Variants in RBFOX1 observed in about 807,000 individuals in gnomAD.
RBFOX1 encodes the protein RNA binding protein fox-1 homolog 1.
RBFOX1 carries 8 observed loss-of-function variants against 57.7 expected under a neutral mutation model. The observed-to-expected ratio is 0.14, with a 90% CI of 0.08 to 0.25. The LOEUF (loss-of-function observed/expected upper bound fraction) is 0.25. Ranked by LOEUF, RBFOX1 falls within the 10% of genes least tolerant of loss-of-function variation. The probability of loss-of-function intolerance (pLI) is 1.00; values close to 1 mark genes in which losing one functional copy is unlikely to be tolerated. For missense variants in RBFOX1, 611 were observed against 548.5 expected (o/e 1.11, Z -1.14); for synonymous variants, 326 against 222.4 (o/e 1.47, Z -4.15).
intron 4 of RBFOX1, among the ~76,000 whole-genome samples, chr16:7,107,113 C>A (rs2063755905): frequency 6.6e-6 from 1 of 151,970 alleles, no homozygotes; most frequent in Non-Finnish European, 1.5e-5. Context: ...TTGGGAGGAC[C>A]AACTATGCAA....
chr16:7,266,454 G>A (rs2095146773), intron 4 of RBFOX1, among the ~76,000 whole-genome samples: 1 of 152,204 alleles, frequency 6.6e-6, no homozygotes. Flanking sequence ...AAAGCCAGTG[G>A]AACTGTGAGT....
intron 3 of RBFOX1, among the ~76,000 whole-genome samples, chr16:5,652,481 A>G (rs2049272904): frequency 6.6e-6 from 1 of 152,140 alleles, no homozygotes; most frequent in Non-Finnish European, 1.5e-5. Flanking sequence ...AACATAAATT[A>G]TTATCTTTAA....
chr16:6,938,896 C>T (rs757196384), intron 3 of RBFOX1, among the ~76,000 whole-genome samples: 14 of 152,142 alleles, frequency 9.2e-5, no homozygotes, highest in Non-Finnish European at 1.6e-4. Flanking sequence ...TGCACCACTG[C>T]ACTCCAGCCT....
chr16:6,932,102 T>G (rs2076657090), intron 3 of RBFOX1, among the ~76,000 whole-genome samples: 1 of 152,146 alleles, frequency 6.6e-6, no homozygotes, highest in African/African-American at 2.4e-5. Flanking sequence ...TTGTTGTTTT[T>G]TGTTGCTGTT....
chr16:6,400,426 G>A (rs1377554758), intron 2 of RBFOX1, among the ~76,000 whole-genome samples: 2 of 152,116 alleles, frequency 1.3e-5, no homozygotes, highest in Admixed American at 1.3e-4. Context: ...AAGGCTTATG[G>A]GATCCGGCTA....
chr16:5,835,906 T>A (rs2056441864), intron 3 of RBFOX1, among the ~76,000 whole-genome samples: 1 of 152,078 alleles, frequency 6.6e-6, no homozygotes, highest in Non-Finnish European at 1.5e-5. Context: ...CTGCCTGGCC[T>A]TGCTCCTTGC....
intron 3 of RBFOX1, among the ~76,000 whole-genome samples, chr16:6,693,230 C>G (rs1437682927): frequency 6.6e-6 from 1 of 151,776 alleles, no homozygotes; most frequent in Non-Finnish European, 1.5e-5. Context: ...TCATCCTCCT[C>G]CACTACCATC....
At chr16:6,890,569 G>A (rs1266117117) in intron 3 of RBFOX1, among the ~76,000 whole-genome samples, 2 of 152,218 alleles carry the variant, frequency 1.3e-5, no homozygotes, top group Non-Finnish European at 1.5e-5. Context: ...GGGTTGTGAG[G>A]ATGGTAAAGT....
intron 4 of RBFOX1, among the ~76,000 whole-genome samples, chr16:5,879,410 A>G (rs2057704558): frequency 6.6e-6 from 1 of 152,190 alleles, no homozygotes; most frequent in Non-Finnish European, 1.5e-5. Flanking sequence ...CATGAACTGC[A>G]ACCTCCGCCT....
intron 1 of RBFOX1, among the ~76,000 whole-genome samples, chr16:5,385,787 T>A (rs1184651249): frequency 6.6e-6 from 1 of 152,210 alleles, no homozygotes; most frequent in African/African-American, 2.4e-5. Flanking sequence ...AGCAGTGGCC[T>A]TGTCTGTTTT....
intron 4 of RBFOX1, among the ~76,000 whole-genome samples, chr16:5,937,175 T>C (rs777731138): frequency 6.6e-6 from 1 of 152,226 alleles, no homozygotes; most frequent in Non-Finnish European, 1.5e-5. Context: ...CTTGGAATTG[T>C]GTTCTCTGGT....
chr16:7,273,859 A>G (rs895110911), intron 4 of RBFOX1, among the ~76,000 whole-genome samples: 1 of 152,310 alleles, frequency 6.6e-6, no homozygotes, highest in Non-Finnish European at 1.5e-5. Flanking sequence ...GCTACTGCAT[A>G]ATTTCATTAT....
intron 1 of RBFOX1, among the ~76,000 whole-genome samples, chr16:5,294,128 C>T (rs1217443342): frequency 1.3e-5 from 2 of 152,074 alleles, no homozygotes; most frequent in Non-Finnish European, 2.9e-5. Flanking sequence ...ACTCGGGAGG[C>T]TGAGGTAGGA....
At chr16:5,513,383 G>C (rs935920641) in intron 2 of RBFOX1, among the ~76,000 whole-genome samples, 1 of 152,102 alleles carries the variant, frequency 6.6e-6, no homozygotes, top group Non-Finnish European at 1.5e-5. Context: ...ATGTCATATC[G>C]AGGGTGCCAA....
intron 4 of RBFOX1, among the ~76,000 whole-genome samples, chr16:5,998,771 C>T (rs955287015): frequency 6.6e-6 from 1 of 152,166 alleles, no homozygotes; most frequent in Non-Finnish European, 1.5e-5. Context: ...TCGCATACTC[C>T]TTCTGGTCTG....
In RBFOX1 at chr16:6,736,269, G is replaced by A. The variant is rs1349848695; in HGVS notation, c.-16+81619G>A. ...TAGTGGTGATTTGTGAGATTTTGGT[G>A]CACCCATCACTGCATCATATTGTCT... On this transcript the variant is annotated intron_variant, in intron 3 of 15. Transcript: ENST00000550418. Among the ~76,000 whole-genome samples the A allele has an allele frequency of 3.3e-5, 5 of 152,068 alleles. No individual in the cohort carries two copies. In the East Asian group the frequency reaches 9.7e-4, roughly 29 times the overall value.
At chr16:7,156,132 A>G (rs970792499) in intron 4 of RBFOX1, among the ~76,000 whole-genome samples, 3 of 151,990 alleles carry the variant, frequency 2.0e-5, no homozygotes, top group African/African-American at 7.3e-5. Context: ...TTGGCCTTCA[A>G]GGTGCTGGGA....
chr16:6,877,169 A>G (rs955975311), intron 3 of RBFOX1, among the ~76,000 whole-genome samples: 1 of 152,198 alleles, frequency 6.6e-6, no homozygotes, highest in Admixed American at 6.5e-5. Context: ...GAAAAAAGAT[A>G]TCTTATTTCT....
intron 3 of RBFOX1, among the ~76,000 whole-genome samples, chr16:7,038,825 G>T (rs1294740495): frequency 1.3e-5 from 2 of 152,188 alleles, no homozygotes; most frequent in Non-Finnish European, 2.9e-5. Flanking sequence ...TCTTTACCAA[G>T]AGGGTGCATG....
Sources: gnomAD v4.1 joint callset for allele counts (sites outside exome capture counted in the v4.1 genomes callset) on GRCh38, gnomAD v4.1.1 for gene constraint, MANE v1.5 for transcripts, NCBI Gene and HGNC (gene_info 2026-07-23, HGNC 2026-07-21) for gene names.